Variants in TGM3 observed in about 807,000 individuals in gnomAD.
The protein encoded by TGM3 is protein-glutamine gamma-glutamyltransferase E.
A neutral mutation model predicts 73.8 loss-of-function variants in TGM3; 52 were observed. That is an observed-to-expected ratio of 0.70 (90% CI 0.56 to 0.89). The LOEUF (loss-of-function observed/expected upper bound fraction) is 0.89, where lower values mean the gene tolerates loss of function less well. Ranked by LOEUF, TGM3 falls within the 40% of genes least tolerant of loss-of-function variation. The pLI is 0.00. For synonymous variants in TGM3, 372 were observed against 354.9 expected (o/e 1.05, Z -0.54); for missense variants, 928 against 909.9 (o/e 1.02, Z -0.26).
rs2084338094 is a variant in TGM3 at position 2,334,592 on chromosome 20, C to A, written c.1643-524C>A. On this transcript the variant is annotated intron_variant, in intron 10 of 12. Coordinates refer to ENST00000381458, the MANE Select transcript of TGM3 (RefSeq NM_003245.4). The surrounding 1 kb of genome is among the most constrained non-coding windows in gnomAD (Gnocchi z 4.0). ...TTCCTACCTATTATTGTGTTACTGT[C>A]ATGATTGCTACTGTTGTTGGCAATC... Among the ~76,000 whole-genome samples the A allele has an allele frequency of 6.6e-6, 1 of 152,072 alleles. No homozygotes were observed.
At chr20:2,314,030 C>A (rs2084220984) in intron 5 of TGM3, among the ~76,000 whole-genome samples, 1 of 151,778 alleles carries the variant, frequency 6.6e-6, no homozygotes, top group Admixed American at 6.6e-5. Flanking sequence ...ATTAGCAGGG[C>A]ATGGTAGCAT....
At chr20:2,338,044 G>A (rs755421408) in intron 11 of TGM3, among the ~76,000 whole-genome samples, 21 of 151,192 alleles carry the variant, frequency 1.4e-4, no homozygotes, top group Non-Finnish European at 1.8e-4. Context: ...TCTATTGAAC[G>A]GATCAATGCC....
chr20:2,323,434 C>T (rs1011165218), intron 7 of TGM3, among the ~76,000 whole-genome samples: 14 of 152,338 alleles, frequency 9.2e-5, no homozygotes, highest in African/African-American at 3.4e-4. Flanking sequence ...GGCTCTGCCA[C>T]CATTTATCTG....
intron 11 of TGM3, among the ~76,000 whole-genome samples, chr20:2,336,548 C>T (rs1419772084): frequency 1.3e-5 from 2 of 150,236 alleles, no homozygotes; most frequent in Non-Finnish European, 1.5e-5. Context: ...TTCCTGACCT[C>T]AGAAAGGGCA....
At chr20:2,310,827 C>A (rs528146003) in intron 3 of TGM3, among the ~76,000 whole-genome samples, 184 bp from the exon 4 acceptor site, 1 of 152,290 alleles carries the variant, frequency 6.6e-6, no homozygotes, top group East Asian at 1.9e-4. Flanking sequence ...ATCCTAGCTT[C>A]TCTTTCCAGC....
At chr20:2,325,763 C>A in intron 7 of TGM3, 86 bp from the exon 8 acceptor site, 1 of 931,974 alleles carries the variant, frequency 1.1e-6, no homozygotes, top group Non-Finnish European at 1.7e-6. Context: ...TGTCATGCTG[C>A]ACTGTTGGGG....
chr20:2,327,970 G>A, intron 8 of TGM3, 150 bp from the exon 9 acceptor site: 1 of 1,106,712 alleles, frequency 9.0e-7, no homozygotes, highest in South Asian at 1.5e-5. Context: ...TCTGCAGAAT[G>A]CCAAATGAGT....
chr20:2,335,025 T>C, intron 10 of TGM3, 91 bp from the exon 11 acceptor site: 1 of 1,506,666 alleles, frequency 6.6e-7, no homozygotes, highest in Non-Finnish European at 9.1e-7. Flanking sequence ...TCCCACCAGC[T>C]CACCCTGCCT....
At position 2,339,962 on chromosome 20, in the gene TGM3, C is replaced by A; in HGVS notation, c.1909C>A (p.Leu637Met). ...CGTGCTGATGGTGGAGGGAAGCGGC[C>A]TGCTGTTGGGTAACCTGAAGATCGA... ...DCVLMVEGSG[L>M]LLGNLKIDVP... Residue 637 changes from leucine to methionine, a missense_variant, in exon 12 of 13, where the codon CTG becomes ATG. Physicochemically the swap from Leu to Met is conservative, Grantham distance 15. Coordinates refer to ENST00000381458, the MANE Select transcript of TGM3 (RefSeq NM_003245.4). 1 of 1,401,108 alleles carries A rather than the reference C, an allele frequency of 7.1e-7. No homozygotes were observed. 86.8% of individuals were successfully genotyped at this position (1,401,108 alleles called of 1,614,324 possible).
chr20:2,331,026 A>AAG (rs1303856197), intron 9 of TGM3, among the ~76,000 whole-genome samples: 52 of 148,318 alleles, frequency 3.5e-4, no homozygotes, highest in African/African-American at 1.1e-3. Flanking sequence ...AAAAAAAAAA[A>AAG]AGAGAGAGAA....
chr20:2,304,218 CT>C (rs1210485145), intron 1 of TGM3, among the ~76,000 whole-genome samples: 1 of 152,114 alleles, frequency 6.6e-6, no homozygotes, highest in Non-Finnish European at 1.5e-5. Flanking sequence ...ATGTCAAGGG[CT>C]TTGGGATTGG....
chr20:2,297,002 G>A (rs2084112144), intron 1 of TGM3, among the ~76,000 whole-genome samples: 1 of 152,224 alleles, frequency 6.6e-6, no homozygotes, highest in African/African-American at 2.4e-5. Context: ...CAAAAACTGG[G>A]ACAGGTGATT....
chr20:2,305,738 G>T (rs968639339), intron 1 of TGM3, among the ~76,000 whole-genome samples: 1 of 152,184 alleles, frequency 6.6e-6, no homozygotes, highest in Non-Finnish European at 1.5e-5. Context: ...GTGCAAATGC[G>T]AGCTCTGGAG....
At chr20:2,310,989 G>A (rs1400706933) in intron 3 of TGM3, 22 bp from the exon 4 acceptor site, 1 of 1,601,232 alleles carries the variant, frequency 6.2e-7, no homozygotes, top group Admixed American at 1.7e-5. Context: ...AGTCGCTGGT[G>A]TCTGCTTTTT....
Position 2,335,209 on chromosome 20 carries a change from C to A in TGM3, c.1736C>A (p.Pro579Gln). Residue 579 changes from proline (P) to glutamine (Q), a missense_variant, in exon 11 of 13, where the codon CCA (proline) becomes CAA (glutamine). Pro to Gln is a moderately conservative substitution (Grantham distance 76). Coordinates refer to ENST00000381458, the MANE Select transcript of TGM3 (RefSeq NM_003245.4). ...CGGATCACAGCGGTGTGCAAGGTCC[C>A]AGATGAGTCTGAGGTGGTGGTGGAG... ...MIRITAVCKV[P>Q]DESEVVVERD... The A allele has an allele frequency of 6.2e-7, 1 of 1,614,200 alleles. No individual in the cohort carries two copies. The highest frequency in any genetic ancestry group is 8.5e-7 in the Non-Finnish European group (1 of 1,180,022).
chr20:2,314,728 A>G (rs1010263983), intron 5 of TGM3, among the ~76,000 whole-genome samples: 2 of 152,182 alleles, frequency 1.3e-5, no homozygotes, highest in African/African-American at 4.8e-5. Context: ...CTCCAAAAAA[A>G]AAGGCGAAAA....
intron 7 of TGM3, among the ~76,000 whole-genome samples, chr20:2,321,197 C>A (rs1164015806): frequency 1.3e-5 from 2 of 152,168 alleles, no homozygotes; most frequent in Non-Finnish European, 2.9e-5. Flanking sequence ...GGACTCCGGG[C>A]ACCAAGAGGA....
At chr20:2,335,648 T>C (rs989062526) in intron 11 of TGM3, among the ~76,000 whole-genome samples, 4 of 151,978 alleles carry the variant, frequency 2.6e-5, no homozygotes, top group Non-Finnish European at 5.9e-5. Flanking sequence ...AGGCTTGAGA[T>C]CTGCTGTGTT....
chr20:2,309,924 G>A lies in TGM3; in HGVS notation c.181+94G>A. ...GACGGGGACCACACTGGGGCCACTG[G>A]CATTGGGTTCTAGCCTTGCTCTGTC... On this transcript the variant is annotated intron_variant, in intron 2 of 12. Transcript: ENST00000381458. The A allele has an allele frequency of 2.6e-6, 4 of 1,531,224 alleles. No homozygotes were observed. The East Asian group carries it at 6.8e-5, about 26-fold the overall frequency. The allele number at this position is 1,531,224 out of a possible 1,614,324, so 94.9% of individuals were successfully genotyped here. A position where few individuals can be genotyped will look rare whatever the true frequency, so the allele number is the denominator to read the frequency against.
Sources: allele counts gnomAD v4.1 joint callset (sites outside exome capture counted in the v4.1 genomes callset), GRCh38; gene constraint gnomAD v4.1.1; non-coding constraint Gnocchi (gnomAD v3.1); transcripts MANE v1.5; gene names NCBI Gene and HGNC (gene_info 2026-07-23, HGNC 2026-07-21).